FOXN3: variants seen among roughly 807,000 people sequenced by gnomAD.
FOXN3 encodes the protein forkhead box N3, also known as forkhead box protein N3.
A neutral mutation model predicts 38.4 loss-of-function variants in FOXN3; 7 were observed. The observed-to-expected ratio is 0.18, with a 90% CI of 0.10 to 0.34. The LOEUF is 0.34. FOXN3 is among the 10% of genes least tolerant of loss of function. The pLI, the probability that FOXN3 is intolerant of heterozygous loss-of-function variation, is 1.00. For synonymous variants in FOXN3, 230 were observed against 242.2 expected, an observed-to-expected ratio of 0.95 and a Z score of 0.47; for missense variants, 456 against 613.4, an observed-to-expected ratio of 0.74 and a Z score of 2.71.
At chr14:89,289,781 C>G (rs1414468222) in intron 3 of FOXN3, among the ~76,000 whole-genome samples, 1 of 152,192 alleles carries the variant, frequency 6.6e-6, no homozygotes, top group Admixed American at 6.5e-5. Flanking sequence ...AAGAAAAAAA[C>G]TGTACATTTC....
intron 4 of FOXN3, among the ~76,000 whole-genome samples, chr14:89,208,803 T>G (rs1189569698): frequency 6.6e-6 from 1 of 152,190 alleles, no homozygotes; most frequent in African/African-American, 2.4e-5. Flanking sequence ...TCTACTTGAA[T>G]TAGCGGGCTG....
chr14:89,237,002 A>T (rs1402663137), intron 4 of FOXN3, among the ~76,000 whole-genome samples: 1 of 152,200 alleles, frequency 6.6e-6, no homozygotes, highest in Non-Finnish European at 1.5e-5. Context: ...CATACAACAG[A>T]AGACAAATTC....
At chr14:89,253,291 G>A (rs1431791991) in intron 4 of FOXN3, among the ~76,000 whole-genome samples, 4 of 152,184 alleles carry the variant, frequency 2.6e-5, no homozygotes, top group Non-Finnish European at 4.4e-5. Flanking sequence ...TCTGGCATTC[G>A]CTCTAGGGCA....
At chr14:89,434,838 C>G (rs1892241309) in intron 1 of FOXN3, among the ~76,000 whole-genome samples, 1 of 152,176 alleles carries the variant, frequency 6.6e-6, no homozygotes, top group South Asian at 2.1e-4. Flanking sequence ...CATTTTCAAA[C>G]TATGTATCTT....
chr14:89,170,023 A>G (rs1887347639), intron 5 of FOXN3, among the ~76,000 whole-genome samples: 1 of 152,236 alleles, frequency 6.6e-6, no homozygotes, highest in East Asian at 1.9e-4. Context: ...AAAGAAAAAC[A>G]GGTTAAAAGT....
In FOXN3 at chr14:89,438,227, C is replaced by T. The variant is rs1052429000; in HGVS notation, c.-14-25737G>A. ...AGCTGAAAGCTCAAGTCTCCTCACT[C>T]CCACTGGCCCCTTCTTGGGCCCTGG... On this transcript the variant is annotated intron_variant, in intron 1 of 6. Coordinates refer to the FOXN3 transcript ENST00000345097. Among the ~76,000 whole-genome samples the T allele has an allele frequency of 1.1e-4, 17 of 152,372 alleles. No homozygotes were observed. In the East Asian group the frequency reaches 3.3e-3, roughly 29 times the overall value.
chr14:89,271,692 T>G (rs950812519), intron 4 of FOXN3, among the ~76,000 whole-genome samples: 10 of 152,186 alleles, frequency 6.6e-5, no homozygotes, highest in African/African-American at 2.4e-4. Context: ...AATCATAAAG[T>G]GAACTGTGTA....
chr14:89,400,356 A>G (rs1395377730), intron 2 of FOXN3, among the ~76,000 whole-genome samples: 1 of 152,186 alleles, frequency 6.6e-6, no homozygotes, highest in African/African-American at 2.4e-5. Flanking sequence ...ACACCTATGC[A>G]CTGTGTTTCA....
At chr14:89,598,132 C>A (rs541341269) in intron 1 of FOXN3, among the ~76,000 whole-genome samples, 4 of 152,256 alleles carry the variant, frequency 2.6e-5, no homozygotes, top group Admixed American at 2.6e-4. Flanking sequence ...AATGACAACA[C>A]AACTTCGTTA....
intron 1 of FOXN3, among the ~76,000 whole-genome samples, chr14:89,442,362 T>C (rs1892405236): frequency 1.3e-5 from 2 of 152,206 alleles, no homozygotes; most frequent in Non-Finnish European, 2.9e-5. Context: ...TCTGATTTGC[T>C]ACACCTGTGT....
At chr14:89,383,592 G>A (rs1034775179) in intron 2 of FOXN3, among the ~76,000 whole-genome samples, 3 of 152,180 alleles carry the variant, frequency 2.0e-5, no homozygotes, top group African/African-American at 4.8e-5. Flanking sequence ...GGCGGCCCCC[G>A]GCCGATCTTG....
chr14:89,525,112 T>C (rs1337305619), intron 1 of FOXN3, among the ~76,000 whole-genome samples: 1 of 152,054 alleles, frequency 6.6e-6, no homozygotes, highest in Non-Finnish European at 1.5e-5. Flanking sequence ...CCAGAGCAAG[T>C]CCATCTTGAA....
At chr14:89,429,939 CT>C (rs1183128890) in intron 1 of FOXN3, among the ~76,000 whole-genome samples, 2 of 152,340 alleles carry the variant, frequency 1.3e-5, no homozygotes, top group Admixed American at 6.5e-5. Flanking sequence ...GAGAGAGATA[CT>C]TGTCTCCCCC....
chr14:89,338,134 G>A (rs111555274), intron 3 of FOXN3, among the ~76,000 whole-genome samples: 10 of 152,240 alleles, frequency 6.6e-5, no homozygotes, highest in African/African-American at 2.4e-4. Flanking sequence ...GGAAGTAGAT[G>A]GAAGGTCAGA....
intron 4 of FOXN3, among the ~76,000 whole-genome samples, chr14:89,266,627 G>A (rs1885988152): frequency 6.6e-6 from 1 of 152,168 alleles, no homozygotes; most frequent in South Asian, 2.1e-4. Context: ...CAGCCTCAAG[G>A]AGATTACAGT....
chr14:89,350,978 A>C, intron 2 of FOXN3, 170 bp from the exon 3 acceptor site: 1 of 430,128 alleles, frequency 2.3e-6, no homozygotes. Flanking sequence ...AATGCACTTC[A>C]ATCTTACTTG....
intron 1 of FOXN3, among the ~76,000 whole-genome samples, chr14:89,479,306 C>G (rs1383052156): frequency 6.6e-6 from 1 of 151,984 alleles, no homozygotes; most frequent in Non-Finnish European, 1.5e-5. Context: ...GCCTTTATAC[C>G]CTCTCTCTCG....
chr14:89,517,564 TACTC>T (rs1307014773), intron 1 of FOXN3, among the ~76,000 whole-genome samples: 1 of 152,092 alleles, frequency 6.6e-6, no homozygotes, highest in Admixed American at 6.6e-5. Context: ...CACGAGCACT[TACTC>T]ACTATAACAA....
intron 1 of FOXN3, among the ~76,000 whole-genome samples, chr14:89,553,959 A>G (rs891611053): frequency 6.6e-6 from 1 of 152,186 alleles, no homozygotes. Context: ...GAAAGAAAAA[A>G]AAGATACTAA....
Sources: allele counts gnomAD v4.1 joint callset (sites outside exome capture counted in the v4.1 genomes callset), GRCh38; gene constraint gnomAD v4.1.1; transcripts MANE v1.5; gene names NCBI Gene and HGNC (gene_info 2026-07-23, HGNC 2026-07-21).